CHD2: variants seen among roughly 807,000 people sequenced by gnomAD.
The protein encoded by CHD2 is chromodomain helicase DNA binding protein 2.
CHD2 carries 28 observed loss-of-function variants against 243.9 expected under a neutral mutation model. The observed-to-expected ratio is 0.11, with a 90% confidence interval of 0.09 to 0.16. The LOEUF is 0.16. Ranked by LOEUF, CHD2 falls within the 10% of genes least tolerant of loss-of-function variation. The pLI, the probability that CHD2 is intolerant of heterozygous loss-of-function variation, is 1.00. For missense variants in CHD2, 1,386 were observed against 2,209.8 expected (o/e 0.63, Z 7.47); for synonymous variants, 775 against 779.0 (o/e 0.99, Z 0.09).
chr15:92,926,958 G>T (rs939359759), intron 3 of CHD2, among the ~76,000 whole-genome samples: 1 of 144,746 alleles, frequency 6.9e-6, no homozygotes, highest in Non-Finnish European at 1.5e-5. Flanking sequence ...GGAAGCAGCC[G>T]CTGTCTTACC....
intron 16 of CHD2, among the ~76,000 whole-genome samples, chr15:92,960,920 G>A (rs1013110054): frequency 1.3e-5 from 2 of 151,820 alleles, no homozygotes; most frequent in Non-Finnish European, 2.9e-5. Flanking sequence ...GTTTTGCCAT[G>A]TCAGCCAGGT....
Position 93,025,521 on chromosome 15 carries a change from A to C in CHD2, c.*816A>C, listed in dbSNP as rs2054579874. 6.6e-6 allele frequency: 1 copy of C among 152,498 alleles called. No homozygotes were observed. Among genetic ancestry groups the C allele is most frequent in the South Asian group, 2.1e-4 (1 of 4,824 alleles). The allele number at this position is 152,498 out of a possible 1,614,324, so 9.4% of individuals were successfully genotyped here. On this transcript the variant is annotated 3_prime_UTR_variant, in exon 39 of 39. Transcript: ENST00000394196. Reference sequence around the variant, plus strand: ...CAACACTGATGCCAGCATGGGTCTTACTTGACTGGGGAGTAGGCTGAGTGA... The same window carrying C: ...CAACACTGATGCCAGCATGGGTCTTCCTTGACTGGGGAGTAGGCTGAGTGA...
chr15:92,975,763 T>C (rs2053899011), intron 20 of CHD2, among the ~76,000 whole-genome samples: 1 of 152,210 alleles, frequency 6.6e-6, no homozygotes, highest in Non-Finnish European at 1.5e-5. Context: ...TGCTCTGCTG[T>C]CTGCCTTTAG....
chr15:93,004,971 ATGTC>A (rs1299187485), intron 34 of CHD2, among the ~76,000 whole-genome samples: 1 of 152,142 alleles, frequency 6.6e-6, no homozygotes, highest in Non-Finnish European at 1.5e-5. Flanking sequence ...AGTGGATTTC[ATGTC>A]TTGTGCTCCT....
intron 14 of CHD2, among the ~76,000 whole-genome samples, 190 bp from the exon 15 acceptor site, chr15:92,955,233 G>C (rs992937170): frequency 1.3e-5 from 2 of 152,092 alleles, no homozygotes; most frequent in African/African-American, 4.8e-5. Flanking sequence ...TCGGTGGTCA[G>C]TGTTTTAATT....
At chr15:92,907,991 T>C (rs1455632023) in intron 2 of CHD2, among the ~76,000 whole-genome samples, 1 of 148,656 alleles carries the variant, frequency 6.7e-6, no homozygotes, top group Non-Finnish European at 1.5e-5. Flanking sequence ...TTACAGTTCA[T>C]CCTCTCTTAG....
Position 92,992,746 on chromosome 15 carries a change from C to G in CHD2, c.3456-113C>G, listed in dbSNP as rs2054136971. 5.8e-6 allele frequency: 8 copies of G among 1,371,586 alleles called. No individual in the cohort carries two copies. The Admixed American group carries it at 1.6e-4, about 27-fold the overall frequency. The allele number at this position is 1,371,586 out of a possible 1,614,324, so 85.0% of individuals were successfully genotyped here. On this transcript the variant is annotated intron_variant, in intron 27 of 38. Transcript: ENST00000394196. ...CCTTAGAATGACCACTAAAGGAACGCAAAGAAAAGTGTCTTTGCAGGAGAA... is the reference window on the plus strand; with the variant it reads ...CCTTAGAATGACCACTAAAGGAACGGAAAGAAAAGTGTCTTTGCAGGAGAA...
At chr15:92,934,035 A>G (rs1363926418) in intron 5 of CHD2, among the ~76,000 whole-genome samples, 2 of 152,212 alleles carry the variant, frequency 1.3e-5, no homozygotes, top group Non-Finnish European at 2.9e-5. Context: ...GGGGAAATCT[A>G]CTGAAGACTG....
intron 2 of CHD2, 83 bp from the exon 3 acceptor site, chr15:92,924,238 G>GT: frequency 8.2e-7 from 1 of 1,217,442 alleles, no homozygotes; most frequent in Non-Finnish European, 1.2e-6. Context: ...ATCTGCAAAT[G>GT]TTTTACCATG....
chr15:93,018,768 G>T (rs190207366), intron 37 of CHD2, among the ~76,000 whole-genome samples: 2 of 152,304 alleles, frequency 1.3e-5, no homozygotes, highest in East Asian at 3.9e-4. Flanking sequence ...TCTTTGCATA[G>T]CCTTCTCCTA....
Position 92,922,491 on chromosome 15 carries a change from C to T in CHD2, c.63-1830C>T, listed in dbSNP as rs1260507298. 3.9e-5 allele frequency among the ~76,000 whole-genome samples: 6 copies of T among 152,234 alleles called. No homozygotes were observed. The East Asian group carries it at 7.7e-4, about 20-fold the overall frequency. On this transcript the variant is annotated intron_variant, in intron 2 of 38. Coordinates refer to ENST00000394196, the MANE Select transcript of CHD2 (RefSeq NM_001271.4). ...TTCCTCATGGTAACTGAAAGGCCTC[C>T]GTATTGTAATGTGCTGTGGATCGCA...
intron 2 of CHD2, among the ~76,000 whole-genome samples, chr15:92,917,891 T>C (rs2052873422): frequency 6.6e-6 from 1 of 152,246 alleles, no homozygotes. Flanking sequence ...TATTAGCTAT[T>C]GTATCACTGG....
chr15:92,917,660 T>A (rs1304191919), intron 2 of CHD2, among the ~76,000 whole-genome samples: 1 of 152,250 alleles, frequency 6.6e-6, no homozygotes, highest in African/African-American at 2.4e-5. Context: ...GGAATAGTTA[T>A]GCAATGACAT....
At chr15:92,976,299 TA>T (rs1392005748) in intron 20 of CHD2, among the ~76,000 whole-genome samples, 1 of 152,164 alleles carries the variant, frequency 6.6e-6, no homozygotes, top group African/African-American at 2.4e-5. Flanking sequence ...AAAATTCCTT[TA>T]AAAAACTAAA....
intron 20 of CHD2, among the ~76,000 whole-genome samples, chr15:92,977,000 A>C (rs1343896554): frequency 6.6e-6 from 1 of 151,974 alleles, no homozygotes. Flanking sequence ...GAGTTTTATA[A>C]TTTTTTAACC....
chr15:92,976,505 G>A (rs977202334), intron 20 of CHD2, among the ~76,000 whole-genome samples: 11 of 151,340 alleles, frequency 7.3e-5, no homozygotes, highest in African/African-American at 2.7e-4. Flanking sequence ...ATACAGTTTT[G>A]TTCCCTTCAA....
chr15:92,966,954 C>T (rs893106752), intron 16 of CHD2, among the ~76,000 whole-genome samples: 2 of 151,018 alleles, frequency 1.3e-5, no homozygotes, highest in Non-Finnish European at 2.9e-5. Flanking sequence ...TCAGAAATGA[C>T]GGTGACTTTC....
chr15:92,973,371 A>G (rs561989783), intron 19 of CHD2, among the ~76,000 whole-genome samples: 42 of 152,254 alleles, frequency 2.8e-4, no homozygotes, highest in African/African-American at 9.6e-4. Context: ...CATATACGCA[A>G]TTTACCTTGT....
rs1244901197 is a variant in CHD2, at chr15:93,000,553, C to T, written c.4050C>T (p.Asn1350=). The T allele has an allele frequency of 1.2e-6, 2 of 1,613,434 alleles. No individual in the cohort carries two copies. Among genetic ancestry groups the T allele is most frequent in the Non-Finnish European group, 1.7e-6 (2 of 1,179,678 alleles). Residue 1350 remains asparagine (N), a synonymous_variant, in exon 32 of 39, where the codon AAC becomes AAT. Coordinates refer to ENST00000394196, the MANE Select transcript of CHD2 (RefSeq NM_001271.4). The part of the protein sequence containing the change: ...KKRKPRVKKE[N]KVPRLKEEHG... Reference sequence around the variant, plus strand: ...GGAAGCCTCGGGTAAAGAAGGAAAACAAAGTGCCCAGGCTGAAAGAGGAGC... The same window carrying T: ...GGAAGCCTCGGGTAAAGAAGGAAAATAAAGTGCCCAGGCTGAAAGAGGAGC...
Sources: allele counts gnomAD v4.1 joint callset (sites outside exome capture counted in the v4.1 genomes callset), GRCh38; gene constraint gnomAD v4.1.1; transcripts MANE v1.5; gene names NCBI Gene and HGNC (gene_info 2026-07-23, HGNC 2026-07-21).